The following SPSB1 variants were observed in gnomAD, a reference collection of about 807,000 sequenced individuals.
SPSB1 encodes the protein SPRY domain-containing SOCS box protein 1.
Under a neutral mutation model 21.2 loss-of-function variants are expected in SPSB1, and 8 were observed. The ratio of observed to expected loss-of-function variants is 0.38; its 90% CI spans 0.22 to 0.68. SPSB1 has a LOEUF of 0.68. Among genes scored for constraint, SPSB1 ranks in the 30% least tolerant of loss-of-function variants. SPSB1 has a pLI of 0.53. For synonymous variants in SPSB1, 169 were observed against 161.7 expected (o/e 1.05, Z -0.34); for missense variants, 242 against 377.8 (o/e 0.64, Z 2.98).
intron 1 of SPSB1, among the ~76,000 whole-genome samples, chr1:9,354,405 C>T (rs1640327193): frequency 1.3e-5 from 2 of 152,128 alleles, no homozygotes; most frequent in Admixed American, 1.3e-4. Flanking sequence ...CTAGTTGATC[C>T]TAGGAGCCTG....
chr1:9,361,161 T>TTTTTTTTTTTTTTTTTC lies in SPSB1; in HGVS notation c.694+4592_694+4593insCTTTTTTTTTTTTTTTT, dbSNP rs1557467303. ...ATGGCTGGATCTGTCATTTTCTTTT[T>TTTTTTTTTTTTTTTTTC]TTTTTTTTTTTTTTTTTTTTTTAGA... On this transcript the variant is annotated intron_variant, in intron 2 of 2. Coordinates refer to ENST00000328089, the MANE Select transcript of SPSB1 (RefSeq NM_025106.4). 9.2e-5 allele frequency among the ~76,000 whole-genome samples: 11 copies of TTTTTTTTTTTTTTTTTC among 119,826 alleles called. 1 individual carries two copies. Among genetic ancestry groups the TTTTTTTTTTTTTTTTTC allele is most frequent in the South Asian group, 5.6e-4 (2 of 3,560 alleles). 78.6% of individuals were successfully genotyped at this position (119,826 alleles called of 152,430 possible).
At chr1:9,325,683 G>A (rs769061766) in intron 1 of SPSB1, among the ~76,000 whole-genome samples, 35 of 152,202 alleles carry the variant, frequency 2.3e-4, no homozygotes, top group Admixed American at 2.0e-4. Flanking sequence ...CAGGGGACGG[G>A]TCTTAAGCAG....
intron 1 of SPSB1, among the ~76,000 whole-genome samples, chr1:9,336,237 T>C (rs1025747912): frequency 6.6e-6 from 1 of 152,110 alleles, no homozygotes; most frequent in Non-Finnish European, 1.5e-5. Flanking sequence ...TCCTGGTTCT[T>C]TTTTTTTGAG....
At chr1:9,312,185 C>T (rs1002840846) in intron 1 of SPSB1, among the ~76,000 whole-genome samples, 3 of 151,426 alleles carry the variant, frequency 2.0e-5, no homozygotes, top group Non-Finnish European at 4.4e-5. Flanking sequence ...TAATTTTTTT[C>T]GAGGCAGAAT....
intron 1 of SPSB1, among the ~76,000 whole-genome samples, chr1:9,310,756 G>A (rs1369396972): frequency 1.3e-5 from 2 of 152,046 alleles, no homozygotes; most frequent in Admixed American, 6.5e-5. Flanking sequence ...TCTGCAGATG[G>A]GGGTTGGGGG....
intron 1 of SPSB1, among the ~76,000 whole-genome samples, chr1:9,350,371 A>G (rs1640236911): frequency 2.0e-5 from 3 of 152,338 alleles, no homozygotes; most frequent in African/African-American, 7.2e-5. Context: ...TGGCTGAGAC[A>G]GCTGTGCAGA....
chr1:9,347,436 C>A (rs1284814172), intron 1 of SPSB1, among the ~76,000 whole-genome samples: 1 of 152,140 alleles, frequency 6.6e-6, no homozygotes, highest in Non-Finnish European at 1.5e-5. Flanking sequence ...AAATTCAATT[C>A]AAAAAGCGTT....
chr1:9,309,581 G>A (rs1048697856), intron 1 of SPSB1, among the ~76,000 whole-genome samples: 1 of 152,164 alleles, frequency 6.6e-6, no homozygotes, highest in African/African-American at 2.4e-5. Flanking sequence ...AGTGGCTCAC[G>A]CCTGTAATCT....
chr1:9,333,658 G>A lies in SPSB1; in HGVS notation c.-149-22085G>A, dbSNP rs1040739940. 6.6e-5 allele frequency among the ~76,000 whole-genome samples: 10 copies of A among 152,178 alleles called. No individual in the cohort carries two copies. In the East Asian group the frequency reaches 1.2e-3, roughly 18 times the overall value. On this transcript the variant is annotated intron_variant, in intron 1 of 2. Coordinates refer to ENST00000328089, the MANE Select transcript of SPSB1 (RefSeq NM_025106.4). ...CTTGTCAGCTTCCTGAAGCGCCTGCGGTGTGAGCCTGCTGTGAACAGCCTC... is the reference window on the plus strand; with the variant it reads ...CTTGTCAGCTTCCTGAAGCGCCTGCAGTGTGAGCCTGCTGTGAACAGCCTC...
At position 9,317,167 on chromosome 1, in the gene SPSB1, T is replaced by G. The variant is rs1189638058; in HGVS notation, c.-150+24096T>G. Among the ~76,000 whole-genome samples, 1 of 152,130 alleles carries G rather than the reference T, an allele frequency of 6.6e-6. No individual in the cohort carries two copies. The highest frequency in any genetic ancestry group is 2.1e-4 in the South Asian group (1 of 4,824). ...CTTAGAGGCCAGCAAGGTTCTGGCC[T>G]TGGGGATCAGGGTTTACTCTCAGCA... On this transcript the variant is annotated intron_variant, in intron 1 of 2. Transcript: ENST00000328089. This position sits in a 1 kb window ranked among gnomAD's most constrained non-coding sequence, Gnocchi z 4.3.
Position 9,366,171 on chromosome 1 carries a change from G to A in SPSB1, c.695-1277G>A, listed in dbSNP as rs190068461. Among the ~76,000 whole-genome samples, 3 of 152,374 alleles carry A rather than the reference G, an allele frequency of 2.0e-5. No individual in the cohort carries two copies. The East Asian group carries it at 5.8e-4, about 29-fold the overall frequency. On this transcript the variant is annotated intron_variant, in intron 2 of 2. Coordinates refer to ENST00000328089, the MANE Select transcript of SPSB1 (RefSeq NM_025106.4). ...GCTGGAAGCGCTCTGTAACCCTGGG[G>A]CCTGAGGCAGCTCTGCCCAAGTTCC...
rs758842481 is a variant in SPSB1, at chr1:9,356,215, G to A, written c.324G>A (p.Gln108=). The change falls in exon 2 of 3, where the codon CAG becomes CAA. Residue 108 remains glutamine, a synonymous_variant. Transcript: ENST00000328089. The surrounding 1 kb of genome is among the most constrained non-coding windows in gnomAD (Gnocchi z 7.4). ...GGCAGATCACGTGGGCCATGAGACA[G>A]CGGGGCACACACGCCGTGGTGGGGG... ...HVWQITWAMR[Q]RGTHAVVGVA... The A allele has an allele frequency of 1.3e-6, 2 of 1,597,964 alleles. No individual in the cohort carries two copies. The highest frequency in any genetic ancestry group is 2.7e-5 in the African/African-American group (2 of 74,768).
intron 1 of SPSB1, among the ~76,000 whole-genome samples, chr1:9,294,919 G>A (rs1639192596): frequency 6.6e-6 from 1 of 152,094 alleles, no homozygotes; most frequent in African/African-American, 2.4e-5. Flanking sequence ...TTGGAGTCAG[G>A]GAAGTCCTGT....
chr1:9,326,959 C>T (rs1270606372), intron 1 of SPSB1, among the ~76,000 whole-genome samples: 2 of 152,144 alleles, frequency 1.3e-5, no homozygotes, highest in Non-Finnish European at 1.5e-5. Context: ...TGCCCTTTTC[C>T]AGACTTCCAG....
In SPSB1 at chr1:9,361,156, C is replaced by CCTTTTTTTTTTTTTT. The variant is rs1553128958; in HGVS notation, c.694+4571_694+4572insCTTTTTTTTTTTTTT. 4.7e-4 allele frequency among the ~76,000 whole-genome samples: 48 copies of CCTTTTTTTTTTTTTT among 102,576 alleles called. 19 individuals carry two copies. Among genetic ancestry groups the CCTTTTTTTTTTTTTT allele is most frequent in the East Asian group, 1.2e-3 (4 of 3,420 alleles). 67.3% of individuals were successfully genotyped at this position (102,576 alleles called of 152,430 possible). ...CAGGCATGGCTGGATCTGTCATTTT[C>CCTTTTTTTTTTTTTT]TTTTTTTTTTTTTTTTTTTTTTTTT... On this transcript the variant is annotated intron_variant, in intron 2 of 2. Coordinates refer to ENST00000328089, the MANE Select transcript of SPSB1 (RefSeq NM_025106.4).
intron 2 of SPSB1, among the ~76,000 whole-genome samples, chr1:9,359,229 G>C (rs1039023938): frequency 6.6e-6 from 1 of 152,234 alleles, no homozygotes; most frequent in African/African-American, 2.4e-5. Context: ...AGAGGTTCCA[G>C]ATTGGAAAAT....
chr1:9,296,097 G>A (rs1373688533), intron 1 of SPSB1, among the ~76,000 whole-genome samples: 6 of 152,170 alleles, frequency 3.9e-5, no homozygotes, highest in Admixed American at 1.3e-4. Flanking sequence ...CCAGGTGCCC[G>A]GCTCTGTGCT....
chr1:9,319,503 C>G (rs1639673381), intron 1 of SPSB1, among the ~76,000 whole-genome samples: 1 of 152,192 alleles, frequency 6.6e-6, no homozygotes, highest in African/African-American at 2.4e-5. Flanking sequence ...GTCCCCATGC[C>G]TTCCTTGTGG....
At chr1:9,309,374 G>A (rs1291239837) in intron 1 of SPSB1, among the ~76,000 whole-genome samples, 1 of 151,816 alleles carries the variant, frequency 6.6e-6, no homozygotes, top group African/African-American at 2.4e-5. Context: ...CTGGAGTGCA[G>A]TGGTGCGGTC....
Sources: allele counts gnomAD v4.1 joint callset (sites outside exome capture counted in the v4.1 genomes callset), GRCh38; gene constraint gnomAD v4.1.1; non-coding constraint Gnocchi (gnomAD v3.1); transcripts MANE v1.5; gene names NCBI Gene and HGNC (gene_info 2026-07-23, HGNC 2026-07-21).